GRXCR2: variants seen among roughly 807,000 people sequenced by gnomAD.
GRXCR2 encodes the protein glutaredoxin and cysteine rich domain containing 2, also known as glutaredoxin domain-containing cysteine-rich protein 2.
Under a neutral mutation model 24.8 loss-of-function variants are expected in GRXCR2, and 23 were observed. That is an observed-to-expected ratio of 0.93 (90% CI 0.67 to 1.32). The LOEUF (loss-of-function observed/expected upper bound fraction) is 1.32. Ranked by LOEUF, GRXCR2 falls within the 40% of genes most tolerant of loss-of-function variation. The pLI is 0.00. For missense variants in GRXCR2, 315 were observed against 303.4 expected, an observed-to-expected ratio of 1.04 and a Z score of -0.28; for synonymous variants, 130 against 116.1, an observed-to-expected ratio of 1.12 and a Z score of -0.77.
chr5:145,866,638 T>C lies in GRXCR2; in HGVS notation c.427A>G (p.Arg143Gly), dbSNP rs1215176712. 2.5e-6 allele frequency: 4 copies of C among 1,613,880 alleles called. No individual in the cohort carries two copies. Among genetic ancestry groups the C allele is most frequent in the Non-Finnish European group, 3.4e-6 (4 of 1,179,708 alleles). ...TCCTCTTCCTTCTGGAGAATTTTCC[T>C]CACAAAATCTCTCTTGTCCATTGGG... ...RTPMDKRDFVRKILQKEEEAE... is the reference protein window; with the variant it reads ...RTPMDKRDFVGKILQKEEEAE... Residue 143 changes from arginine (R) to glycine (G), a missense_variant, in exon 2 of 3, where the codon AGG becomes GGG. Coordinates refer to ENST00000377976, the MANE Select transcript of GRXCR2 (RefSeq NM_001080516.2).
chr5:145,860,899 C>G (rs1756326170), intron 2 of GRXCR2, among the ~76,000 whole-genome samples: 2 of 152,054 alleles, frequency 1.3e-5, no homozygotes, highest in African/African-American at 2.4e-5. Flanking sequence ...CTAAGCCTTG[C>G]TAACAAATCT....
chr5:145,926,030 G>T (rs1757389522), intron 2 of GRXCR2, among the ~76,000 whole-genome samples: 1 of 151,764 alleles, frequency 6.6e-6, no homozygotes, highest in Admixed American at 6.6e-5. Flanking sequence ...GCACAGACTT[G>T]CCCTGAGTTT....
intron 2 of GRXCR2, among the ~76,000 whole-genome samples, chr5:145,878,987 A>T (rs909413084): frequency 3.3e-5 from 5 of 152,218 alleles, no homozygotes; most frequent in African/African-American, 1.2e-4. Flanking sequence ...ACAGACAAGC[A>T]AATGCTGAGA....
chr5:145,877,624 T>A (rs978969912), upstream of GRXCR2, among the ~76,000 whole-genome samples: 1 of 152,250 alleles, frequency 6.6e-6, no homozygotes, highest in African/African-American at 2.4e-5. Context: ...ACAGCTCCAG[T>A]CTGCAGCTCC....
At chr5:145,862,763 G>A (rs1756361519) in intron 2 of GRXCR2, among the ~76,000 whole-genome samples, 1 of 152,154 alleles carries the variant, frequency 6.6e-6, no homozygotes, top group African/African-American at 2.4e-5. Flanking sequence ...AATGGACCTA[G>A]ATTTGACTAC....
Position 145,928,904 on chromosome 5 carries a change from T to TA in GRXCR2, c.-70+6796dup, listed in dbSNP as rs76082631. ...ATGTACCCTAAAACTTAAAGTATAA[T>TA]AAAAAAAAAGTATTACACTAGAATA... On this transcript the variant is annotated intron_variant, in intron 2 of 3. Coordinates refer to the GRXCR2 transcript ENST00000639411. Among the ~76,000 whole-genome samples, 583 of 150,174 alleles carry TA rather than the reference T, an allele frequency of 3.9e-3. 6 individuals are homozygous for TA. Among genetic ancestry groups the TA allele is most frequent in the South Asian group, 0.019 (92 of 4,740 alleles).
chr5:145,866,324 T>G (rs1425413863), intron 2 of GRXCR2, among the ~76,000 whole-genome samples, 177 bp downstream of exon 2: 1 of 152,222 alleles, frequency 6.6e-6, no homozygotes, highest in African/African-American at 2.4e-5. Context: ...TAACTGCTAT[T>G]GCTAACAATG....
chr5:145,917,441 C>T (rs1757257827), intron 2 of GRXCR2, among the ~76,000 whole-genome samples: 1 of 151,840 alleles, frequency 6.6e-6, no homozygotes, highest in Non-Finnish European at 1.5e-5. Flanking sequence ...GACCATGATC[C>T]AAAAAAAGAA....
intron 2 of GRXCR2, among the ~76,000 whole-genome samples, chr5:145,905,463 T>C (rs1443227412): frequency 6.6e-6 from 1 of 152,208 alleles, no homozygotes; most frequent in Non-Finnish European, 1.5e-5. Flanking sequence ...ATTAGAGATG[T>C]ACTATGTACA....
At chr5:145,894,791 G>A (rs997875448) in intron 2 of GRXCR2, among the ~76,000 whole-genome samples, 1 of 152,116 alleles carries the variant, frequency 6.6e-6, no homozygotes, top group Non-Finnish European at 1.5e-5. Context: ...TATGAGGACA[G>A]CATCATCCTC....
At chr5:145,872,068 T>C (rs905538079) in intron 1 of GRXCR2, among the ~76,000 whole-genome samples, 3 of 152,182 alleles carry the variant, frequency 2.0e-5, no homozygotes, top group Non-Finnish European at 4.4e-5. Flanking sequence ...TCACATAACA[T>C]ATCCTCTGGC....
intron 2 of GRXCR2, among the ~76,000 whole-genome samples, chr5:145,892,930 T>A (rs544270343): frequency 6.6e-6 from 1 of 152,140 alleles, no homozygotes; most frequent in South Asian, 2.1e-4. Flanking sequence ...TAACAGTAGA[T>A]CTCTCAGCAG....
At chr5:145,895,452 T>C (rs1262665801) in intron 2 of GRXCR2, among the ~76,000 whole-genome samples, 1 of 152,138 alleles carries the variant, frequency 6.6e-6, no homozygotes, top group African/African-American at 2.4e-5. Context: ...GGATACAAAA[T>C]CAATATGCAA....
intron 2 of GRXCR2, among the ~76,000 whole-genome samples, chr5:145,889,457 T>C (rs906968512): frequency 1.3e-5 from 2 of 152,124 alleles, no homozygotes; most frequent in Admixed American, 1.3e-4. Context: ...AATAAAAATA[T>C]GTCTTAGAAC....
At chr5:145,877,385 C>A (rs1203717283), upstream of GRXCR2, among the ~76,000 whole-genome samples, 1 of 150,746 alleles carries the variant, frequency 6.6e-6, no homozygotes, top group East Asian at 1.9e-4. Context: ...GAGTCTCACC[C>A]TGTTGCCAGG....
Position 145,862,681 on chromosome 5 carries a change from G to T in GRXCR2, c.565-2766C>A, listed in dbSNP as rs538319520. 9.2e-5 allele frequency among the ~76,000 whole-genome samples: 14 copies of T among 152,266 alleles called. No individual in the cohort carries two copies. In the East Asian group the frequency reaches 2.7e-3, roughly 29 times the overall value. ...TACTGCAGACTCCAAGGCTTGTAGA[G>T]CCCTGAAGATGGTAACCAGTGCCAA... On this transcript the variant is annotated intron_variant, in intron 2 of 2. Coordinates refer to ENST00000377976, the MANE Select transcript of GRXCR2 (RefSeq NM_001080516.2).
intron 2 of GRXCR2, among the ~76,000 whole-genome samples, chr5:145,893,473 G>C (rs1756901483): frequency 6.6e-6 from 1 of 152,028 alleles, no homozygotes; most frequent in Non-Finnish European, 1.5e-5. Flanking sequence ...AAAAGGCAGG[G>C]GTTGCAATCC....
intron 2 of GRXCR2, among the ~76,000 whole-genome samples, chr5:145,894,675 T>C (rs991709095): frequency 2.6e-5 from 4 of 152,118 alleles, no homozygotes; most frequent in African/African-American, 9.7e-5. Flanking sequence ...CAGGACCGGA[T>C]GGATTCACAG....
At chr5:145,886,248 G>A (rs944864633) in intron 2 of GRXCR2, among the ~76,000 whole-genome samples, 1 of 152,154 alleles carries the variant, frequency 6.6e-6, no homozygotes, top group Admixed American at 6.5e-5. Flanking sequence ...GCTTTGAAAG[G>A]TAGCACCTGG....
Sources: allele counts gnomAD v4.1 joint callset (sites outside exome capture counted in the v4.1 genomes callset), GRCh38; gene constraint gnomAD v4.1.1; transcripts MANE v1.5; gene names NCBI Gene and HGNC (gene_info 2026-07-23, HGNC 2026-07-21).